The following DNAH3 variants were observed in gnomAD, a reference collection of about 807,000 sequenced individuals.
DNAH3 encodes the protein dynein axonemal heavy chain 3, also known as axonemal beta dynein heavy chain 3.
DNAH3 carries 332 observed loss-of-function variants against 432.5 expected under a neutral mutation model. That is an observed-to-expected ratio of 0.77 (90% CI 0.70 to 0.84). DNAH3 has a LOEUF of 0.84. DNAH3 is among the 40% of genes least tolerant of loss of function. The pLI, the probability that DNAH3 is intolerant of heterozygous loss-of-function variation, is 0.00. For synonymous variants in DNAH3, 1,956 were observed against 1,900.2 expected (o/e 1.03, Z -0.76); for missense variants, 4,861 against 5,114.0 (o/e 0.95, Z 1.51).
intron 11 of DNAH3, 144 bp from the exon 12 acceptor site, chr16:21,117,483 C>A: frequency 1.5e-6 from 1 of 651,008 alleles, no homozygotes; most frequent in Non-Finnish European, 2.7e-6. Context: ...GCTGGAATCA[C>A]CCTGCTGTTT....
chr16:21,024,890 A>T (rs530367864), intron 38 of DNAH3, among the ~76,000 whole-genome samples, 189 bp from the exon 39 acceptor site: 1 of 152,236 alleles, frequency 6.6e-6, no homozygotes, highest in Admixed American at 6.5e-5. Context: ...TTTCCTTCAT[A>T]TACAGTTTTA....
intron 3 of DNAH3, among the ~76,000 whole-genome samples, chr16:21,144,456 T>A (rs549977455): frequency 6.6e-6 from 1 of 152,172 alleles, no homozygotes; most frequent in Admixed American, 6.5e-5. Context: ...CCTGATGACA[T>A]GAGTGAGCCT....
chr16:21,043,148 T>C (rs1229401580), intron 31 of DNAH3, among the ~76,000 whole-genome samples: 1 of 151,932 alleles, frequency 6.6e-6, no homozygotes, highest in Non-Finnish European at 1.5e-5. Flanking sequence ...GCATGTGTCT[T>C]TATAGCAGCA....
chr16:21,080,887 G>A (rs1342978432), intron 20 of DNAH3, among the ~76,000 whole-genome samples: 14 of 152,104 alleles, frequency 9.2e-5, no homozygotes, highest in Admixed American at 9.2e-4. Flanking sequence ...ATTTGGAGAA[G>A]GGAAGAAAGC....
At chr16:21,100,140 C>T (rs937091598) in intron 16 of DNAH3, among the ~76,000 whole-genome samples, 2 of 152,146 alleles carry the variant, frequency 1.3e-5, no homozygotes, top group African/African-American at 4.8e-5. Context: ...GGCACAATCT[C>T]GGCTCATTGT....
chr16:20,948,169 ATCTTCG>A (rs568848767), intron 57 of DNAH3, among the ~76,000 whole-genome samples: 18 of 152,206 alleles, frequency 1.2e-4, no homozygotes, highest in Non-Finnish European at 2.5e-4. Context: ...CACCTTCTGA[ATCTTCG>A]TCTTCAAGTA....
exon 30 of DNAH3, chr16:21,049,990 G>T: frequency 6.2e-7 from 1 of 1,614,192 alleles, no homozygotes; most frequent in Non-Finnish European, 8.5e-7. Context: ...GCACCCCCAA[G>T]GTTCAGCTTC....
intron 3 of DNAH3, among the ~76,000 whole-genome samples, chr16:21,142,646 C>CA (rs10701210): frequency 0.46 from 67,762 of 148,720 alleles, 15,890 homozygotes; most frequent in East Asian, 0.69. Flanking sequence ...AACAACAATA[C>CA]AAAAATCCTT....
chr16:21,132,589 T>G (rs1233553476), intron 7 of DNAH3, among the ~76,000 whole-genome samples: 1 of 152,192 alleles, frequency 6.6e-6, no homozygotes, highest in African/African-American at 2.4e-5. Flanking sequence ...TGATACAAGC[T>G]TCAGTGTGGA....
intron 21 of DNAH3, among the ~76,000 whole-genome samples, chr16:21,071,313 A>G (rs984603276): frequency 6.6e-6 from 1 of 151,878 alleles, no homozygotes; most frequent in African/African-American, 2.4e-5. Context: ...AAGTGCTGGG[A>G]TTACAGGCAT....
At position 21,049,551 on chromosome 16, in the gene DNAH3, G is replaced by C; in HGVS notation, c.4461+18C>G. 2.5e-6 allele frequency: 4 copies of C among 1,608,084 alleles called. No homozygotes were observed. The highest frequency in any genetic ancestry group is 2.6e-6 in the Non-Finnish European group (3 of 1,174,576). On this transcript the variant is annotated intron_variant, in intron 31 of 61. Transcript: ENST00000261383. ...CCATGCACAGCTTCTTTGTTCTGCA[G>C]CCTAGAGGCAGAGTTACCTCGATCC...
At chr16:21,131,499 G>A (rs1248392232) in intron 7 of DNAH3, among the ~76,000 whole-genome samples, 7 of 240 alleles carry the variant, frequency 0.029, no homozygotes, top group African/African-American at 0.1. Context: ...AAAGAGAGAT[G>A]AGAGAGAAGG....
chr16:21,127,280 C>T (rs891608603), intron 8 of DNAH3, among the ~76,000 whole-genome samples: 1 of 151,808 alleles, frequency 6.6e-6, no homozygotes, highest in Middle Eastern at 3.4e-3. Context: ...AGGCCAGGCG[C>T]GGTGGCTCAT....
chr16:21,033,885 A>G (rs1223158828), intron 36 of DNAH3, 89 bp downstream of exon 36: 1 of 851,142 alleles, frequency 1.2e-6, no homozygotes, highest in Non-Finnish European at 1.9e-6. Flanking sequence ...GAGGCCTGAC[A>G]AGACTAGCAG....
At chr16:21,115,732 A>C (rs2092179771) in intron 12 of DNAH3, among the ~76,000 whole-genome samples, 1 of 149,874 alleles carries the variant, frequency 6.7e-6, no homozygotes. Flanking sequence ...AAATAAAATA[A>C]AATAAAATAA....
At chr16:21,127,519 C>G (rs945862721) in intron 8 of DNAH3, among the ~76,000 whole-genome samples, 168 bp downstream of exon 9, 35 of 151,920 alleles carry the variant, frequency 2.3e-4, no homozygotes, top group African/African-American at 8.2e-4. Flanking sequence ...TGAGATCACA[C>G]CACTGCACTC....
At chr16:21,082,672 T>C (rs2091230408) in intron 19 of DNAH3, among the ~76,000 whole-genome samples, 1 of 151,868 alleles carries the variant, frequency 6.6e-6, no homozygotes, top group South Asian at 2.1e-4. Context: ...CTACTAAAAA[T>C]ACAAAAATTA....
chr16:21,115,475 G>A (rs2092169357), intron 12 of DNAH3, among the ~76,000 whole-genome samples: 1 of 151,780 alleles, frequency 6.6e-6, no homozygotes, highest in Non-Finnish European at 1.5e-5. Flanking sequence ...GGGAGGCCGA[G>A]GTGAGTGGAT....
chr16:21,114,921 C>T (rs544938728), intron 12 of DNAH3, among the ~76,000 whole-genome samples: 40 of 152,026 alleles, frequency 2.6e-4, no homozygotes, highest in Non-Finnish European at 3.8e-4. Context: ...TAAATCATGC[C>T]GCTATAAAGA....
Sources: allele counts gnomAD v4.1 joint callset (sites outside exome capture counted in the v4.1 genomes callset), GRCh38; gene constraint gnomAD v4.1.1; transcripts MANE v1.5; gene names NCBI Gene and HGNC (gene_info 2026-07-23, HGNC 2026-07-21).